The following P4HA2 variants were observed in gnomAD, a reference collection of about 807,000 sequenced individuals.
P4HA2 encodes the protein prolyl 4-hydroxylase subunit alpha-2.
A neutral mutation model predicts 76.9 loss-of-function variants in P4HA2; 46 were observed. The ratio of observed to expected loss-of-function variants is 0.60; its 90% CI spans 0.47 to 0.76. The LOEUF (loss-of-function observed/expected upper bound fraction) is 0.76. Ranked by LOEUF, P4HA2 falls within the 30% of genes least tolerant of loss-of-function variation. The pLI, the probability that P4HA2 is intolerant of heterozygous loss-of-function variation, is 0.00. For synonymous variants in P4HA2, 243 were observed against 254.0 expected, an observed-to-expected ratio of 0.96 and a Z score of 0.41; for missense variants, 583 against 669.4, an observed-to-expected ratio of 0.87 and a Z score of 1.42.
At chr5:132,218,157 GGA>G (rs1754183926) in intron 2 of P4HA2, among the ~76,000 whole-genome samples, 1 of 152,172 alleles carries the variant, frequency 6.6e-6, no homozygotes, top group Non-Finnish European at 1.5e-5. Context: ...ACTGGGGCAT[GGA>G]TATCCTGGGG....
At chr5:132,205,074 T>C (rs140593247) in intron 8 of P4HA2, among the ~76,000 whole-genome samples, 273 of 152,348 alleles carry the variant, frequency 1.8e-3, no homozygotes, top group African/African-American at 4.7e-3. Context: ...CCTGGCACTA[T>C]GCTAGGTAAC....
chr5:132,190,415 T>G lies in P4HA2; in HGVS notation c.*2595A>C, dbSNP rs541335730. ...CCAATGGAAGCCACTAGAGGGAGAT[T>G]AGACGGCAGTAGATAGCAATTGCCC... On this transcript the variant is annotated 3_prime_UTR_variant, in exon 15 of 15. Transcript: ENST00000360568. 2.0e-5 allele frequency among the ~76,000 whole-genome samples: 3 copies of G among 152,342 alleles called. No individual in the cohort carries two copies. Among genetic ancestry groups the G allele is most frequent in the African/African-American group, 7.2e-5 (3 of 41,584 alleles).
chr5:132,220,362 G>C (rs1276088485), intron 1 of P4HA2, among the ~76,000 whole-genome samples: 1 of 152,338 alleles, frequency 6.6e-6, no homozygotes, highest in East Asian at 1.9e-4. Context: ...TATGTAGGGA[G>C]GGGACAGTGA....
At position 132,191,567 on chromosome 5, in the gene P4HA2, A is replaced by G. The variant is rs1410726686; in HGVS notation, c.*1443T>C. ...ATATGAATCTGGTGGGGGGACACAA[A>G]CATTTAGTCCGTAACATGTACCAAG... On this transcript the variant is annotated 3_prime_UTR_variant, in exon 15 of 15. Transcript: ENST00000360568. 6.6e-6 allele frequency among the ~76,000 whole-genome samples: 1 copy of G among 152,184 alleles called. No individual in the cohort carries two copies. Among genetic ancestry groups the G allele is most frequent in the Non-Finnish European group, 1.5e-5 (1 of 68,024 alleles).
chr5:132,203,628 C>T lies in P4HA2; in HGVS notation c.1251+120G>A, dbSNP rs140521359. ...TCCTAAAATGAGATCACTCCATATT[C>T]ATAGCATCAGGCAGTAGTCATACAG... On this transcript the variant is annotated intron_variant, in intron 10 of 14. Transcript: ENST00000360568. The T allele has an allele frequency of 1.2e-5, 8 of 678,108 alleles. No homozygotes were observed. In the East Asian group the frequency reaches 2.2e-4, roughly 18 times the overall value. 42.0% of individuals were successfully genotyped at this position (678,108 alleles called of 1,614,324 possible). A position where few individuals can be genotyped will look rare whatever the true frequency, so the allele number is the denominator to read the frequency against.
At chr5:132,212,960 A>G (rs1332615799) in intron 5 of P4HA2, among the ~76,000 whole-genome samples, 1 of 152,194 alleles carries the variant, frequency 6.6e-6, no homozygotes, top group Non-Finnish European at 1.5e-5. Context: ...TGGAGCTGGA[A>G]TAAGCTGGGT....
chr5:132,194,103 C>T (rs1471681012), intron 14 of P4HA2, among the ~76,000 whole-genome samples: 1 of 152,110 alleles, frequency 6.6e-6, no homozygotes, highest in Non-Finnish European at 1.5e-5. Flanking sequence ...ACCCCTAAAA[C>T]ACAAACTCAT....
Position 132,191,314 on chromosome 5 carries a change from CA to C in P4HA2, c.*1695del, listed in dbSNP as rs528063591. ...GATCACGAGGTCAGGAGATCGAGAC[CA>C]TCCCGGCTAAAACGGTGAAACCCCG... On this transcript the variant is annotated 3_prime_UTR_variant, in exon 15 of 15. Transcript: ENST00000360568. 3.8e-3 allele frequency among the ~76,000 whole-genome samples: 581 copies of C among 152,014 alleles called. 1 individual carries two copies. Among genetic ancestry groups the C allele is most frequent in the South Asian group, 0.013 (64 of 4,814 alleles).
In P4HA2 at chr5:132,192,322, T is replaced by C. The variant is rs142108167; in HGVS notation, c.*688A>G. On this transcript the variant is annotated 3_prime_UTR_variant, in exon 15 of 15. Transcript: ENST00000360568. Reference sequence around the variant, plus strand: ...ATCTGTGTATCATGAACAATTCTTATCTCAAAATTTAAAAATGAAGTACAC... The same window carrying C: ...ATCTGTGTATCATGAACAATTCTTACCTCAAAATTTAAAAATGAAGTACAC... 8 of 152,290 alleles carry C rather than the reference T, an allele frequency of 5.3e-5. No individual in the cohort carries two copies. The highest frequency in any genetic ancestry group is 3.9e-4 in the Admixed American group (6 of 15,308). The allele number at this position is 152,290 out of a possible 1,614,324, so 9.4% of individuals were successfully genotyped here.
intron 4 of P4HA2, 88 bp from the exon 5 acceptor site, chr5:132,214,141 C>T (rs997324413): frequency 6.6e-6 from 9 of 1,367,716 alleles, no homozygotes; most frequent in Non-Finnish European, 9.1e-6. Flanking sequence ...CAAAGAGGGT[C>T]TCTGGCTAGT....
At chr5:132,220,132 G>C (rs961203462) in intron 1 of P4HA2, among the ~76,000 whole-genome samples, 2 of 152,258 alleles carry the variant, frequency 1.3e-5, no homozygotes, top group African/African-American at 4.8e-5. Context: ...AAGTCATCAA[G>C]AGAAAGTGAG....
chr5:132,207,426 A>G (rs1752346754), intron 8 of P4HA2, among the ~76,000 whole-genome samples: 1 of 152,196 alleles, frequency 6.6e-6, no homozygotes, highest in Non-Finnish European at 1.5e-5. Context: ...CAGTCTCCCA[A>G]CCAGGTGAAC....
rs1192191389 is a variant in P4HA2 at position 132,191,356 on chromosome 5, C to T, written c.*1654G>A. ...TGAAACCCCGTCTCTACTAAAAATACAAAAAATTAGCCGGGCGTAGTGGCG... is the reference window on the plus strand; with the variant it reads ...TGAAACCCCGTCTCTACTAAAAATATAAAAAATTAGCCGGGCGTAGTGGCG... On this transcript the variant is annotated 3_prime_UTR_variant, in exon 15 of 15. Transcript: ENST00000360568. Among the ~76,000 whole-genome samples the T allele has an allele frequency of 6.6e-6, 1 of 151,374 alleles. No individual in the cohort carries two copies.
intron 4 of P4HA2, among the ~76,000 whole-genome samples, chr5:132,216,162 C>CAAAAAAAAAAAAAAAAAAAAAAAAAAAA (rs5871448): frequency 1.6e-5 from 1 of 63,168 alleles, no homozygotes; most frequent in Non-Finnish European, 2.7e-5. Context: ...GACTCAGTCT[C>CAAAAAAAAAAAAAAAAAAAAAAAAAAAA]AAAAAAAAAA....
At chr5:132,209,097 G>T in intron 7 of P4HA2, 41 bp downstream of exon 7, 6 of 1,488,460 alleles carry the variant, frequency 4.0e-6, no homozygotes, top group Non-Finnish European at 5.5e-6. Flanking sequence ...CCAGAGTCCA[G>T]GTCCACAGCT....
chr5:132,200,896 G>A (rs993300609), intron 10 of P4HA2: 3 of 152,196 alleles, frequency 2.0e-5, no homozygotes, highest in African/African-American at 7.2e-5. Flanking sequence ...AATTATATTT[G>A]ATTATGGTTC....
chr5:132,195,551 T>A, intron 12 of P4HA2, 71 bp from the exon 13 acceptor site: 3 of 1,153,094 alleles, frequency 2.6e-6, no homozygotes, highest in Non-Finnish European at 3.9e-6. Context: ...ACAAAGGACA[T>A]GACAAGGTAT....
intron 8 of P4HA2, among the ~76,000 whole-genome samples, chr5:132,207,081 T>G (rs150258897): frequency 6.6e-6 from 1 of 152,244 alleles, no homozygotes; most frequent in African/African-American, 2.4e-5. Context: ...TAGCTCTTAC[T>G]ATGAAATGTA....
At chr5:132,196,112 A>C (rs1750604846) in intron 12 of P4HA2, among the ~76,000 whole-genome samples, 1 of 152,206 alleles carries the variant, frequency 6.6e-6, no homozygotes, top group South Asian at 2.1e-4. Context: ...GCCTTGACTC[A>C]TGGCCAAAGC....
Sources: allele counts gnomAD v4.1 joint callset (sites outside exome capture counted in the v4.1 genomes callset), GRCh38; gene constraint gnomAD v4.1.1; transcripts MANE v1.5; gene names NCBI Gene and HGNC (gene_info 2026-07-23, HGNC 2026-07-21).